The following ADARB2 variants were observed in gnomAD, a reference collection of about 807,000 sequenced individuals.
ADARB2 encodes inactive double-stranded RNA-specific editase B2.
Under a neutral mutation model 62.2 loss-of-function variants are expected in ADARB2, and 25 were observed. That is an observed-to-expected ratio of 0.40 (90% CI 0.29 to 0.56). The LOEUF (loss-of-function observed/expected upper bound fraction) is 0.56, where lower values mean the gene tolerates loss of function less well. ADARB2 is among the 20% of genes least tolerant of loss of function. The probability of loss-of-function intolerance (pLI) is 0.43; values close to 1 mark genes in which losing one functional copy is unlikely to be tolerated. For synonymous variants in ADARB2, 572 were observed against 500.8 expected (o/e 1.14, Z -1.90); for missense variants, 1,071 against 1,077.4 (o/e 0.99, Z 0.08).
chr10:1,608,305 A>C (rs949647085), intron 1 of ADARB2, among the ~76,000 whole-genome samples: 12 of 152,186 alleles, frequency 7.9e-5, no homozygotes, highest in African/African-American at 2.2e-4. Context: ...CCCAGAGGTC[A>C]TGGAGACGCA....
intron 3 of ADARB2, among the ~76,000 whole-genome samples, chr10:1,299,733 C>T (rs1358010454): frequency 6.6e-6 from 1 of 152,220 alleles, no homozygotes; most frequent in Non-Finnish European, 1.5e-5. Context: ...CTGGGCTTCG[C>T]CTCCTTCTGC....
intron 3 of ADARB2, among the ~76,000 whole-genome samples, chr10:1,353,852 C>T (rs894620902): frequency 6.6e-6 from 1 of 152,100 alleles, no homozygotes; most frequent in African/African-American, 2.4e-5. Context: ...AGGAAGACAC[C>T]CTGTATTTCA....
At chr10:1,244,017 G>A (rs1231940200) in intron 4 of ADARB2, among the ~76,000 whole-genome samples, 3 of 152,238 alleles carry the variant, frequency 2.0e-5, no homozygotes, top group Admixed American at 6.5e-5. Context: ...AGGAAAGCTC[G>A]TGAGCAGCTG....
chr10:1,245,911 A>G (rs1237753186), intron 4 of ADARB2, among the ~76,000 whole-genome samples: 2 of 151,736 alleles, frequency 1.3e-5, no homozygotes, highest in Non-Finnish European at 2.9e-5. Flanking sequence ...AGGAATCACC[A>G]TACTGACTTC....
At chr10:1,563,801 C>T (rs1388697738) in intron 1 of ADARB2, among the ~76,000 whole-genome samples, 1 of 120,558 alleles carries the variant, frequency 8.3e-6, no homozygotes, top group Non-Finnish European at 1.7e-5. Flanking sequence ...CCACAACAGT[C>T]CTCAGAGTGT....
intron 1 of ADARB2, among the ~76,000 whole-genome samples, chr10:1,505,873 G>A (rs1305733998): frequency 3.3e-5 from 5 of 152,246 alleles, no homozygotes. Context: ...TTCTGTGTGA[G>A]TGAGTGCATG....
intron 1 of ADARB2, among the ~76,000 whole-genome samples, chr10:1,612,717 G>A (rs10903512): frequency 0.71 from 108,240 of 152,094 alleles, 38,584 homozygotes; most frequent in African/African-American, 0.77. Context: ...CCAGCCAGCA[G>A]CCTGCATATC....
At chr10:1,478,886 G>C (rs968283428) in intron 1 of ADARB2, among the ~76,000 whole-genome samples, 1 of 152,192 alleles carries the variant, frequency 6.6e-6, no homozygotes, top group Non-Finnish European at 1.5e-5. Flanking sequence ...AGATGGGAGA[G>C]TGCCAAAATG....
chr10:1,314,184 C>A (rs764359934), intron 3 of ADARB2, among the ~76,000 whole-genome samples: 4 of 152,162 alleles, frequency 2.6e-5, no homozygotes, highest in East Asian at 3.9e-4. Flanking sequence ...CCATCATAAT[C>A]ATTTTGAAAA....
chr10:1,243,118 C>A (rs80212297), intron 4 of ADARB2, among the ~76,000 whole-genome samples: 2 of 152,270 alleles, frequency 1.3e-5, no homozygotes, highest in Non-Finnish European at 2.9e-5. Context: ...CTAGGGAGTC[C>A]GTGTCATTAG....
At chr10:1,185,499 A>ACAAAG (rs1836740391) in intron 8 of ADARB2, among the ~76,000 whole-genome samples, 1 of 149,664 alleles carries the variant, frequency 6.7e-6, no homozygotes, top group Non-Finnish European at 1.5e-5. Flanking sequence ...GATGAGAAAA[A>ACAAAG]CAAAACAAAA....
intron 3 of ADARB2, among the ~76,000 whole-genome samples, chr10:1,302,478 C>A (rs1831583774): frequency 6.6e-6 from 1 of 152,224 alleles, no homozygotes; most frequent in African/African-American, 2.4e-5. Context: ...GCCAGGCTTG[C>A]TTAGGTAAAC....
intron 1 of ADARB2, among the ~76,000 whole-genome samples, chr10:1,540,128 C>T (rs944350813): frequency 2.6e-5 from 4 of 152,164 alleles, no homozygotes; most frequent in Non-Finnish European, 5.9e-5. Context: ...CAAATCAAGG[C>T]CCCGATTCTC....
chr10:1,364,119 C>T (rs1285680182), intron 2 of ADARB2, among the ~76,000 whole-genome samples: 3 of 152,208 alleles, frequency 2.0e-5, no homozygotes, highest in African/African-American at 4.8e-5. Flanking sequence ...TCCTTGGTCC[C>T]TTGCTGAGGG....
At chr10:1,278,807 G>C (rs1831344411) in intron 3 of ADARB2, among the ~76,000 whole-genome samples, 1 of 152,084 alleles carries the variant, frequency 6.6e-6, no homozygotes, top group Non-Finnish European at 1.5e-5. Flanking sequence ...TTACCTAGCA[G>C]TTCATGTTTT....
chr10:1,652,255 T>C (rs541142364), intron 1 of ADARB2, among the ~76,000 whole-genome samples: 17 of 152,336 alleles, frequency 1.1e-4, no homozygotes, highest in Admixed American at 1.1e-3. Context: ...TCTCAGCTTT[T>C]AACTGGGGCA....
chr10:1,220,418 GTGATGGTGA>G (rs1212291346), intron 6 of ADARB2, among the ~76,000 whole-genome samples: 1 of 150,918 alleles, frequency 6.6e-6, no homozygotes. Flanking sequence ...GATGATGGTC[GTGATGGTGA>G]TGATGGTGGT....
intron 1 of ADARB2, among the ~76,000 whole-genome samples, chr10:1,540,314 T>C (rs749391916): frequency 4.0e-5 from 6 of 150,054 alleles, no homozygotes; most frequent in Non-Finnish European, 6.0e-5. Context: ...GAAAATAAAC[T>C]CAGTCTATGC....
chr10:1,539,361 G>T (rs1832380548), intron 1 of ADARB2, among the ~76,000 whole-genome samples: 1 of 152,178 alleles, frequency 6.6e-6, no homozygotes. Context: ...ACAGCGGCTG[G>T]TGCCATTTTC....
Sources: gnomAD v4.1 joint callset for allele counts (sites outside exome capture counted in the v4.1 genomes callset) on GRCh38, gnomAD v4.1.1 for gene constraint, MANE v1.5 for transcripts, NCBI Gene and HGNC (gene_info 2026-07-23, HGNC 2026-07-21) for gene names.